The following IMMP2L variants were observed in gnomAD, a reference collection of about 807,000 sequenced individuals.
The protein encoded by IMMP2L is mitochondrial inner membrane protease subunit 2.
Under a neutral mutation model 19.3 loss-of-function variants are expected in IMMP2L, and 18 were observed. The observed-to-expected ratio is 0.93, with a 90% confidence interval of 0.64 to 1.38. IMMP2L has a LOEUF of 1.38. Among genes scored for constraint, IMMP2L ranks in the 40% most tolerant of loss-of-function variants. The pLI, the probability that IMMP2L is intolerant of heterozygous loss-of-function variation, is 0.00. For synonymous variants in IMMP2L, 76 were observed against 73.0 expected, an observed-to-expected ratio of 1.04 and a Z score of -0.21; for missense variants, 233 against 218.2, an observed-to-expected ratio of 1.07 and a Z score of -0.43.
intron 3 of IMMP2L, among the ~76,000 whole-genome samples, chr7:111,223,588 G>A (rs1157533680): frequency 1.3e-5 from 2 of 152,156 alleles, no homozygotes; most frequent in Non-Finnish European, 1.5e-5. Context: ...TCAGCCTTTT[G>A]TATTACTAAT....
intron 3 of IMMP2L, among the ~76,000 whole-genome samples, chr7:111,194,506 C>T (rs1048707551): frequency 2.0e-5 from 3 of 152,082 alleles, no homozygotes; most frequent in African/African-American, 7.2e-5. Flanking sequence ...TTCAATGCTT[C>T]CTCTCCTTCA....
At chr7:111,521,101 A>C (rs1846284776) in intron 2 of IMMP2L, among the ~76,000 whole-genome samples, 1 of 152,138 alleles carries the variant, frequency 6.6e-6, no homozygotes, top group Admixed American at 6.5e-5. Flanking sequence ...GACCCAGAGA[A>C]CTGATAGTTA....
chr7:111,559,468 A>G (rs1791763464), intron 1 of IMMP2L, among the ~76,000 whole-genome samples: 1 of 152,132 alleles, frequency 6.6e-6, no homozygotes, highest in Admixed American at 6.6e-5. Flanking sequence ...CACATTATAG[A>G]AATTCTTTCC....
chr7:110,818,184 A>G (rs1474663410), intron 5 of IMMP2L, among the ~76,000 whole-genome samples: 3 of 152,056 alleles, frequency 2.0e-5, no homozygotes, highest in Non-Finnish European at 2.9e-5. Flanking sequence ...GCAACCTACA[A>G]AATGGGAGAA....
In IMMP2L at chr7:111,066,647, T is replaced by G. The variant is rs192968797; in HGVS notation, c.240-103082A>C. ...GCAACTCCAGATCCACTCTCCCTAT[T>G]GTTTTCCACTGTGTAGTACAGAATT... On this transcript the variant is annotated intron_variant, in intron 3 of 5. Transcript: ENST00000405709. 1.5e-3 allele frequency among the ~76,000 whole-genome samples: 224 copies of G among 152,302 alleles called. 2 individuals are homozygous for G. Among genetic ancestry groups the G allele is most frequent in the Middle Eastern group, 3.4e-3 (1 of 294 alleles).
intron 3 of IMMP2L, among the ~76,000 whole-genome samples, chr7:111,188,969 A>T (rs1200860440): frequency 5.3e-5 from 8 of 152,056 alleles, no homozygotes; most frequent in African/African-American, 1.7e-4. Flanking sequence ...GCTAATAAAA[A>T]AGTTCCTCCT....
chr7:111,347,360 A>T (rs1827676889), intron 3 of IMMP2L, among the ~76,000 whole-genome samples: 1 of 152,066 alleles, frequency 6.6e-6, no homozygotes. Flanking sequence ...TTTGAAAGAG[A>T]AATGCCAGAA....
At chr7:111,528,686 T>C (rs1017043200) in intron 1 of IMMP2L, among the ~76,000 whole-genome samples, 2 of 152,206 alleles carry the variant, frequency 1.3e-5, no homozygotes, top group Admixed American at 6.5e-5. Context: ...AAGTCACCAA[T>C]CACTCATCCA....
chr7:111,168,499 T>G (rs991505667), intron 3 of IMMP2L, among the ~76,000 whole-genome samples: 6 of 151,906 alleles, frequency 3.9e-5, no homozygotes, highest in African/African-American at 1.4e-4. Flanking sequence ...AAAGGTGTCT[T>G]GCTGCTAAAC....
chr7:111,120,497 T>C (rs1419225177), intron 3 of IMMP2L, among the ~76,000 whole-genome samples: 1 of 152,062 alleles, frequency 6.6e-6, no homozygotes, highest in Non-Finnish European at 1.5e-5. Flanking sequence ...CCACAACACA[T>C]GGGAATTATC....
At chr7:110,865,310 A>T (rs1179676056) in intron 5 of IMMP2L, among the ~76,000 whole-genome samples, 5 of 152,040 alleles carry the variant, frequency 3.3e-5, no homozygotes, top group Admixed American at 3.3e-4. Flanking sequence ...TAAAATTAAG[A>T]CGGACTTTTC....
At chr7:110,990,671 G>C (rs1314761100) in intron 3 of IMMP2L, among the ~76,000 whole-genome samples, 1 of 152,118 alleles carries the variant, frequency 6.6e-6, no homozygotes, top group East Asian at 1.9e-4. Flanking sequence ...TAGCTGGGTT[G>C]CTGTGTAAGC....
chr7:111,471,646 C>T (rs916951581), intron 3 of IMMP2L, among the ~76,000 whole-genome samples: 9 of 152,020 alleles, frequency 5.9e-5, no homozygotes, highest in Admixed American at 3.3e-4. Flanking sequence ...ATTAAAATTA[C>T]ACTTGTTTCT....
At chr7:111,124,715 G>A (rs1239137382) in intron 3 of IMMP2L, 9 of 1,613,784 alleles carry the variant, frequency 5.6e-6, no homozygotes, top group African/African-American at 2.7e-5. Flanking sequence ...CTTATCAGCT[G>A]CCTCTCTCCA....
intron 3 of IMMP2L, among the ~76,000 whole-genome samples, chr7:111,102,760 T>G (rs1239436420): frequency 6.6e-6 from 1 of 151,546 alleles, no homozygotes; most frequent in Non-Finnish European, 1.5e-5. Context: ...CTCTGGGACA[T>G]TCCATCTCAA....
At chr7:110,825,975 TCAAA>T (rs1269346216) in intron 5 of IMMP2L, among the ~76,000 whole-genome samples, 1 of 151,948 alleles carries the variant, frequency 6.6e-6, no homozygotes, top group East Asian at 1.9e-4. Context: ...TAGAAAGTAC[TCAAA>T]CAAATTTACA....
At chr7:111,151,708 GT>G (rs1804091942) in intron 3 of IMMP2L, among the ~76,000 whole-genome samples, 1 of 152,156 alleles carries the variant, frequency 6.6e-6, no homozygotes, top group Admixed American at 6.5e-5. Context: ...GGAGGCCGAG[GT>G]GGGCAGATGA....
At chr7:111,446,064 G>A (rs1238533954) in intron 3 of IMMP2L, among the ~76,000 whole-genome samples, 4 of 152,034 alleles carry the variant, frequency 2.6e-5, no homozygotes, top group East Asian at 1.9e-4. Flanking sequence ...CTACGCCCAC[G>A]GAATCTCGCT....
intron 3 of IMMP2L, among the ~76,000 whole-genome samples, chr7:111,410,620 C>A (rs901512979): frequency 6.7e-6 from 1 of 150,142 alleles, no homozygotes; most frequent in Non-Finnish European, 1.5e-5. Flanking sequence ...ACAAAGATAA[C>A]AAAATTAACA....
Sources: gnomAD v4.1 joint callset for allele counts (sites outside exome capture counted in the v4.1 genomes callset) on GRCh38, gnomAD v4.1.1 for gene constraint, MANE v1.5 for transcripts, NCBI Gene and HGNC (gene_info 2026-07-23, HGNC 2026-07-21) for gene names.